CACNA1C: variants seen among roughly 807,000 people sequenced by gnomAD.
The protein encoded by CACNA1C is calcium voltage-gated channel subunit alpha1 C.
Under a neutral mutation model 229.0 loss-of-function variants are expected in CACNA1C, and 30 were observed. The ratio of observed to expected loss-of-function variants is 0.13; its 90% CI spans 0.10 to 0.18. The LOEUF is 0.18. CACNA1C is among the 10% of genes least tolerant of loss of function. CACNA1C has a pLI of 1.00. For synonymous variants in CACNA1C, 1,114 were observed against 1,132.5 expected (o/e 0.98, Z 0.33); for missense variants, 1,658 against 2,845.0 (o/e 0.58, Z 9.49).
At chr12:2,365,722 T>A (rs1030434947) in intron 3 of CACNA1C, among the ~76,000 whole-genome samples, 2 of 152,222 alleles carry the variant, frequency 1.3e-5, no homozygotes, top group African/African-American at 2.4e-5. Flanking sequence ...AGACCAAATA[T>A]GCTTGATATA....
At chr12:2,024,557 A>C (rs1194622005) in intron 1 of CACNA1C, among the ~76,000 whole-genome samples, 1 of 152,124 alleles carries the variant, frequency 6.6e-6, no homozygotes, top group African/African-American at 2.4e-5. Flanking sequence ...GAAGAAGGGG[A>C]GTCAAAGCCA....
Position 2,679,399 on chromosome 12 carries a change from G to A in CACNA1C, c.5092-45G>A, listed in dbSNP as rs2097009732. The A allele has an allele frequency of 6.6e-6, 9 of 1,365,790 alleles. No individual in the cohort carries two copies. Among genetic ancestry groups the A allele is most frequent in the Non-Finnish European group, 8.9e-6 (9 of 1,013,398 alleles). The allele number at this position is 1,365,790 out of a possible 1,614,324, so 84.6% of individuals were successfully genotyped here. A position where few individuals can be genotyped will look rare whatever the true frequency, so the allele number is the denominator to read the frequency against. ...GTGGAGGCTGCTCTCTGGGAGGAGT[G>A]GGTGCTAAGGGGCTTCTCCACCCAC... On this transcript the variant is annotated intron_variant, in intron 41 of 46. Coordinates refer to ENST00000399655, the MANE Select transcript of CACNA1C (RefSeq NM_000719.7). This position sits in a 1 kb window ranked among gnomAD's most constrained non-coding sequence, Gnocchi z 5.5.
At position 2,324,728 on chromosome 12, in the gene CACNA1C, A is replaced by G. The variant is rs546313322; in HGVS notation, c.478-124248A>G. Among the ~76,000 whole-genome samples, 16 of 152,142 alleles carry G rather than the reference A, an allele frequency of 1.1e-4. No homozygotes were observed. In the South Asian group the frequency reaches 1.2e-3, roughly 12 times the overall value. On this transcript the variant is annotated intron_variant, in intron 3 of 46. Coordinates refer to ENST00000399655, the MANE Select transcript of CACNA1C (RefSeq NM_000719.7). ...AAAGGAAATAAACAGGCCTCCATCA[A>G]TCACTTCCTTGGCGGGCTTGCTTGG...
rs2093315776 is a variant in CACNA1C, at chr12:2,639,153, C to T, written c.3912+4773C>T. On this transcript the variant is annotated intron_variant, in intron 30 of 46. Coordinates refer to ENST00000399655, the MANE Select transcript of CACNA1C (RefSeq NM_000719.7). This position sits in a 1 kb window ranked among gnomAD's most constrained non-coding sequence, Gnocchi z 4.2. The stretch of plus-strand genomic sequence containing the variant: ...CAGCCTCAGTATCTGAGCCATGGGC[C>T]CCGGCCCTTCTCCTGCCAATGCATC... Among the ~76,000 whole-genome samples, 1 of 152,200 alleles carries T rather than the reference C, an allele frequency of 6.6e-6. No individual in the cohort carries two copies.
intron 3 of CACNA1C, among the ~76,000 whole-genome samples, chr12:2,326,319 C>A (rs769893203): frequency 3.3e-5 from 5 of 152,182 alleles, no homozygotes; most frequent in Non-Finnish European, 7.3e-5. Flanking sequence ...GTTAAAACTG[C>A]ACATTTTGAA....
chr12:2,177,645 TTTC>T, intron 3 of CACNA1C, among the ~76,000 whole-genome samples: 1 of 145,106 alleles, frequency 6.9e-6, no homozygotes, highest in African/African-American at 2.6e-5. Context: ...TCTTTCTTTC[TTTC>T]TTTCTTTTTC....
At chr12:2,532,461 C>T (rs1042093359) in intron 9 of CACNA1C, among the ~76,000 whole-genome samples, 18 of 152,248 alleles carry the variant, frequency 1.2e-4, no homozygotes, top group African/African-American at 4.3e-4. Flanking sequence ...GCCACTGTCT[C>T]CTCTCTGCTT....
intron 3 of CACNA1C, among the ~76,000 whole-genome samples, chr12:2,216,502 C>A (rs1037504070): frequency 6.6e-6 from 1 of 152,116 alleles, no homozygotes; most frequent in Non-Finnish European, 1.5e-5. Flanking sequence ...GTTATCAAAC[C>A]CTCCTGGGTT....
intron 3 of CACNA1C, among the ~76,000 whole-genome samples, chr12:2,236,844 C>G (rs1404928346): frequency 6.6e-6 from 1 of 152,182 alleles, no homozygotes; most frequent in Non-Finnish European, 1.5e-5. Context: ...GCTGTGGTAT[C>G]TTCCTCCCTA....
Position 2,665,049 on chromosome 12 carries a change from T to C in CACNA1C, c.4398+59T>C. The C allele has an allele frequency of 6.4e-7, 1 of 1,563,410 alleles. No individual in the cohort carries two copies. The highest frequency in any genetic ancestry group is 8.8e-7 in the Non-Finnish European group (1 of 1,136,228). The stretch of plus-strand genomic sequence containing the variant: ...ATGACTGCCCAGTTCCAGGGCAGTC[T>C]GAACCGTCCATCTCTGCAGCTCATG... On this transcript the variant is annotated intron_variant, in intron 35 of 46. Coordinates refer to ENST00000399655, the MANE Select transcript of CACNA1C (RefSeq NM_000719.7). The surrounding 1 kb of genome is among the most constrained non-coding windows in gnomAD (Gnocchi z 5.9).
chr12:2,093,928 A>C (rs938749568), intron 1 of CACNA1C, among the ~76,000 whole-genome samples: 1 of 152,222 alleles, frequency 6.6e-6, no homozygotes, highest in East Asian at 1.9e-4. Flanking sequence ...CTTCAGCAGC[A>C]TACTGAGTGC....
At chr12:1,987,197 T>A (rs186850905) in intron 1 of CACNA1C, among the ~76,000 whole-genome samples, 104 of 152,356 alleles carry the variant, frequency 6.8e-4, no homozygotes, top group African/African-American at 2.4e-3. Flanking sequence ...GAAATTATAT[T>A]CTTGGCCTCT....
intron 5 of CACNA1C, among the ~76,000 whole-genome samples, chr12:2,474,770 AAAG>A (rs1325459837): frequency 3.3e-5 from 5 of 151,318 alleles, no homozygotes; most frequent in East Asian, 1.9e-4. Context: ...AAAAAAAAAA[AAAG>A]AAAGAAAGAA....
At chr12:2,343,366 A>G (rs2096916905) in intron 3 of CACNA1C, among the ~76,000 whole-genome samples, 1 of 152,208 alleles carries the variant, frequency 6.6e-6, no homozygotes, top group African/African-American at 2.4e-5. Flanking sequence ...AAGTGTAAGC[A>G]AGGAGGAAGG....
intron 3 of CACNA1C, among the ~76,000 whole-genome samples, chr12:2,211,984 G>A (rs1250932383): frequency 2.0e-5 from 3 of 152,128 alleles, no homozygotes; most frequent in East Asian, 3.9e-4. Context: ...GCCTCCCAAC[G>A]TGCTGGGATT....
Position 2,479,881 on chromosome 12 carries a change from G to T in CACNA1C, c.758-6223G>T, listed in dbSNP as rs546253155. 6.6e-6 allele frequency among the ~76,000 whole-genome samples: 1 copy of T among 152,114 alleles called. No individual in the cohort carries two copies. Among genetic ancestry groups the T allele is most frequent in the Admixed American group, 6.5e-5 (1 of 15,270 alleles). On this transcript the variant is annotated intron_variant, in intron 5 of 46. Coordinates refer to ENST00000399655, the MANE Select transcript of CACNA1C (RefSeq NM_000719.7). This position sits in a 1 kb window ranked among gnomAD's most constrained non-coding sequence, Gnocchi z 4.3. ...TATTGGCAGAATCTCACATGGTGCC[G>T]CAGCCCTCTCTTCTGTTGGATTGGG...
intron 5 of CACNA1C, among the ~76,000 whole-genome samples, chr12:2,463,145 G>A (rs576483997): frequency 6.3e-4 from 96 of 152,152 alleles, no homozygotes; most frequent in African/African-American, 2.3e-3. Flanking sequence ...TCCTGACCTC[G>A]TGATCTGCCC....
intron 9 of CACNA1C, among the ~76,000 whole-genome samples, chr12:2,544,413 C>T (rs939861587): frequency 1.3e-5 from 2 of 152,194 alleles, no homozygotes; most frequent in Non-Finnish European, 2.9e-5. Context: ...AGTGATGGTG[C>T]AGCCCACAAG....
chr12:1,983,404 T>C (rs904390728), intron 1 of CACNA1C, among the ~76,000 whole-genome samples: 3 of 152,048 alleles, frequency 2.0e-5, no homozygotes, highest in African/African-American at 7.2e-5. Flanking sequence ...TAAGTCCAAC[T>C]TTGGTTGCAA....
Sources: allele counts gnomAD v4.1 joint callset (sites outside exome capture counted in the v4.1 genomes callset), GRCh38; gene constraint gnomAD v4.1.1; non-coding constraint Gnocchi (gnomAD v3.1); transcripts MANE v1.5; gene names NCBI Gene and HGNC (gene_info 2026-07-23, HGNC 2026-07-21).